The following PCDHA5 variants were observed in gnomAD, a reference collection of about 807,000 sequenced individuals.
The protein encoded by PCDHA5 is protocadherin alpha 5.
A neutral mutation model predicts 61.6 loss-of-function variants in PCDHA5; 43 were observed. The ratio of observed to expected loss-of-function variants is 0.70; its 90% confidence interval spans 0.55 to 0.90. The LOEUF (loss-of-function observed/expected upper bound fraction) is 0.90, where lower values mean the gene tolerates loss of function less well. Ranked by LOEUF, PCDHA5 falls within the 40% of genes least tolerant of loss-of-function variation. The probability of loss-of-function intolerance (pLI) is 0.00; values close to 1 mark genes in which losing one functional copy is unlikely to be tolerated. For missense variants in PCDHA5, 1,298 were observed against 1,222.7 expected (o/e 1.06, Z -0.92); for synonymous variants, 627 against 543.9 (o/e 1.15, Z -2.13).
chr5:140,971,488 A>C (rs17119328), intron 1 of PCDHA5, among the ~76,000 whole-genome samples: 9,487 of 152,206 alleles, frequency 0.062, 310 homozygotes, highest in African/African-American at 0.074. Flanking sequence ...ACATTGTTAC[A>C]GTGTGGCAAG....
chr5:140,932,261 T>C (rs1554208805), intron 1 of PCDHA5, among the ~76,000 whole-genome samples: 1 of 151,922 alleles, frequency 6.6e-6, no homozygotes, highest in East Asian at 1.9e-4. Context: ...CTCTGAGATA[T>C]AAATTTCTAC....
intron 1 of PCDHA5, chr5:140,848,977 A>T (rs2150427682): frequency 1.2e-6 from 2 of 1,600,464 alleles, no homozygotes; most frequent in South Asian, 1.1e-5. Flanking sequence ...TCCGATGCAG[A>T]TATCGGGGAG....
At chr5:140,975,045 A>G (rs1249490997) in intron 1 of PCDHA5, among the ~76,000 whole-genome samples, 1 of 152,112 alleles carries the variant, frequency 6.6e-6, no homozygotes, top group Non-Finnish European at 1.5e-5. Context: ...GGCTCTTAGG[A>G]AGAATCTACT....
chr5:140,922,176 C>CA (rs3836750), intron 1 of PCDHA5, among the ~76,000 whole-genome samples: 11 of 150,702 alleles, frequency 7.3e-5, no homozygotes, highest in East Asian at 5.8e-4. Flanking sequence ...GTACAGCAGA[C>CA]AAAAAAAAAG....
intron 1 of PCDHA5, chr5:140,836,144 G>A (rs2150253955): frequency 1.5e-5 from 25 of 1,613,780 alleles, no homozygotes; most frequent in Non-Finnish European, 2.1e-5. Context: ...CTGTGGGCGC[G>A]GGCCATGTGG....
chr5:140,986,042 C>T (rs1344724281), intron 3 of PCDHA5, among the ~76,000 whole-genome samples: 1 of 152,104 alleles, frequency 6.6e-6, no homozygotes, highest in Admixed American at 6.5e-5. Context: ...CCTGGCCTCA[C>T]TGATGAATTC....
rs200253752 is a variant in PCDHA5, at chr5:140,890,259, T to TA, written c.2352+66132_2352+66133insA. ...TTTACCAGTACACTACTGCACCTGA[T>TA]TGCAAGCAAGAACCACTCAGTTGAG... On this transcript the variant is annotated intron_variant, in intron 1 of 3. Coordinates refer to ENST00000529859, the MANE Select transcript of PCDHA5 (RefSeq NM_018908.3). Among the ~76,000 whole-genome samples the TA allele has an allele frequency of 8.0e-3, 1,219 of 152,258 alleles. 6 individuals carry two copies. Among genetic ancestry groups the TA allele is most frequent in the African/African-American group, 0.019 (787 of 41,546 alleles).
At chr5:140,859,755 T>C (rs1554152701) in intron 1 of PCDHA5, 1 of 153,726 alleles carries the variant, frequency 6.5e-6, no homozygotes, top group African/African-American at 2.4e-5. Flanking sequence ...TCTTTCAGTG[T>C]TAATACTCTC....
chr5:140,994,017 T>C (rs2153920554), intron 3 of PCDHA5, among the ~76,000 whole-genome samples: 1 of 152,336 alleles, frequency 6.6e-6, no homozygotes, highest in South Asian at 2.1e-4. Flanking sequence ...TTCTAGGTGA[T>C]GCAGATATAA....
In PCDHA5 at chr5:140,823,974, G is replaced by C. The variant is rs2150131023; in HGVS notation, c.2199G>C (p.Arg733=). The part of the protein sequence containing the change: ...SAQPTEAVCT[R]GKPTLLCSSA... Reference sequence around the variant, plus strand: ...AGCCCACCGAGGCCGTGTGCACACGGGGCAAGCCCACTCTGTTGTGCTCCA... The same window carrying C: ...AGCCCACCGAGGCCGTGTGCACACGCGGCAAGCCCACTCTGTTGTGCTCCA... The change falls in exon 1 of 4, where the codon CGG becomes CGC. Residue 733 remains arginine (R), a synonymous_variant. Coordinates refer to ENST00000529859, the MANE Select transcript of PCDHA5 (RefSeq NM_018908.3). 6.2e-7 allele frequency: 1 copy of C among 1,614,122 alleles called. No individual in the cohort carries two copies. The highest frequency in any genetic ancestry group is 2.2e-5 in the East Asian group (1 of 44,878).
At chr5:140,931,216 A>G (rs1347905969) in intron 1 of PCDHA5, among the ~76,000 whole-genome samples, 4 of 152,190 alleles carry the variant, frequency 2.6e-5, no homozygotes, top group African/African-American at 9.6e-5. Context: ...TTCAGGTATC[A>G]GAGCACTTAA....
chr5:140,962,046 G>A (rs2095653396), intron 1 of PCDHA5, among the ~76,000 whole-genome samples: 1 of 151,964 alleles, frequency 6.6e-6, no homozygotes, highest in African/African-American at 2.4e-5. Flanking sequence ...ACCATGCCTG[G>A]CTAATTTTTT....
chr5:140,883,445 G>A, intron 1 of PCDHA5: 1 of 1,614,164 alleles, frequency 6.2e-7, no homozygotes, highest in South Asian at 1.1e-5. Flanking sequence ...GACGCCGCAT[G>A]TCCCCTTCAA....
At chr5:140,962,932 TC>T (rs1188109186) in intron 1 of PCDHA5, among the ~76,000 whole-genome samples, 20 of 152,266 alleles carry the variant, frequency 1.3e-4, no homozygotes, top group African/African-American at 4.3e-4. Flanking sequence ...CTTCTCAACC[TC>T]CTCTCCATAA....
chr5:140,854,948 T>C (rs1417243571), intron 1 of PCDHA5, among the ~76,000 whole-genome samples: 4 of 150,034 alleles, frequency 2.7e-5, no homozygotes, highest in Middle Eastern at 3.5e-3. Flanking sequence ...AATAATAAAT[T>C]TCTTAATTAC....
intron 1 of PCDHA5, chr5:140,842,643 T>C (rs1391862843): frequency 6.3e-7 from 1 of 1,595,190 alleles, no homozygotes; most frequent in Non-Finnish European, 8.6e-7. Flanking sequence ...ACCGCCAGCT[T>C]GTCTGTGGAG....
chr5:140,830,459 G>T (rs1554132838), intron 1 of PCDHA5: 6 of 1,580,018 alleles, frequency 3.8e-6, no homozygotes, highest in Non-Finnish European at 5.2e-6. Flanking sequence ...GGAGAATCAG[G>T]ATTTAAATGA....
chr5:140,863,194 T>C (rs537580785), intron 1 of PCDHA5: 17 of 849,862 alleles, frequency 2.0e-5, no homozygotes, highest in African/African-American at 1.9e-4. Flanking sequence ...CGTGGTGGCG[T>C]CGCTGGCGGA....
intron 1 of PCDHA5, among the ~76,000 whole-genome samples, chr5:140,895,640 T>G (rs1554186577): frequency 6.6e-6 from 1 of 152,220 alleles, no homozygotes; most frequent in Non-Finnish European, 1.5e-5. Flanking sequence ...ACATTCTTTT[T>G]TAGCTCCCAC....
Sources: gnomAD v4.1 joint callset for allele counts (sites outside exome capture counted in the v4.1 genomes callset) on GRCh38, gnomAD v4.1.1 for gene constraint, MANE v1.5 for transcripts, NCBI Gene and HGNC (gene_info 2026-07-23, HGNC 2026-07-21) for gene names.